Variants in BMP2 observed in about 807,000 individuals in gnomAD.
BMP2 encodes bone morphogenetic protein 2A.
BMP2 carries 2 observed loss-of-function variants against 28.8 expected under a neutral mutation model. The observed-to-expected ratio is 0.07, with a 90% confidence interval of 0.03 to 0.22. The LOEUF (loss-of-function observed/expected upper bound fraction) is 0.22. Ranked by LOEUF, BMP2 falls within the 10% of genes least tolerant of loss-of-function variation. The probability of loss-of-function intolerance (pLI) is 1.00; values close to 1 mark genes in which losing one functional copy is unlikely to be tolerated. For missense variants in BMP2, 437 were observed against 517.7 expected (o/e 0.84, Z 1.51); for synonymous variants, 218 against 204.3 (o/e 1.07, Z -0.57).
At chr20:6,770,767 G>C (rs969267773) in intron 2 of BMP2, among the ~76,000 whole-genome samples, 1 of 152,178 alleles carries the variant, frequency 6.6e-6, no homozygotes, top group African/African-American at 2.4e-5. Context: ...AGGGCAAAAG[G>C]CATGCCTCTA....
rs1410745761 is a variant in BMP2, at chr20:6,779,781, C to G, written c.*692C>G. On this transcript the variant is annotated 3_prime_UTR_variant, in exon 3 of 3. Coordinates refer to ENST00000378827, the MANE Select transcript of BMP2 (RefSeq NM_001200.4). ...ACATTGCTGATCTATTATAGAAACT[C>G]TCCTCCTGCCCCTTAATTTACAGAA... 2 of 152,506 alleles carry G rather than the reference C, an allele frequency of 1.3e-5. No individual in the cohort carries two copies. Among genetic ancestry groups the G allele is most frequent in the Non-Finnish European group, 2.9e-5 (2 of 68,030 alleles). 9.4% of individuals were successfully genotyped at this position (152,506 alleles called of 1,614,324 possible). A position where few individuals can be genotyped will look rare whatever the true frequency, so the allele number is the denominator to read the frequency against.
In BMP2 at chr20:6,770,478, G is replaced by A. The variant is rs776468417; in HGVS notation, c.346+6G>A. ...GCGCAGCTTCCACCATGAAGGTGAG[G>A]CATGGAGCAGGGCGTGGGGGCGGGG... On this transcript the variant is annotated splice_donor_region_variant and intron_variant, in intron 2 of 2. Coordinates refer to ENST00000378827, the MANE Select transcript of BMP2 (RefSeq NM_001200.4). 56 of 1,579,396 alleles carry A rather than the reference G, an allele frequency of 3.5e-5. No individual in the cohort carries two copies. Among genetic ancestry groups the A allele is most frequent in the Non-Finnish European group, 2.8e-5 (33 of 1,158,028 alleles).
Position 6,770,488 on chromosome 20 carries a change from G to T in BMP2, c.346+16G>T. On this transcript the variant is annotated intron_variant, in intron 2 of 2. Transcript: ENST00000378827. ...CACCATGAAGGTGAGGCATGGAGCA[G>T]GGCGTGGGGGCGGGGAGTCACCCTG... is the stretch of plus-strand genomic sequence containing the variant. 4 of 1,562,284 alleles carry T rather than the reference G, an allele frequency of 2.6e-6. No individual in the cohort carries two copies. The highest frequency in any genetic ancestry group is 1.2e-5 in the South Asian group (1 of 83,952).
At chr20:6,771,861 T>C (rs758733410) in intron 2 of BMP2, among the ~76,000 whole-genome samples, 6 of 152,206 alleles carry the variant, frequency 3.9e-5, no homozygotes, top group Non-Finnish European at 8.8e-5. Context: ...CCTGTTGTCA[T>C]ATGTAAAATT....
At chr20:6,777,903 C>G (rs550977378) in intron 2 of BMP2, among the ~76,000 whole-genome samples, 1 of 149,274 alleles carries the variant, frequency 6.7e-6, no homozygotes, top group Non-Finnish European at 1.5e-5. Flanking sequence ...TTTTTTTACC[C>G]TAAAGTCTGG....
rs1986554237 is a variant in BMP2 at position 6,778,645 on chromosome 20, T to C, written c.747T>C (p.Ser249=). 2 of 1,614,072 alleles carry C rather than the reference T, an allele frequency of 1.2e-6. No individual in the cohort carries two copies. Among genetic ancestry groups the C allele is most frequent in the African/African-American group, 2.7e-5 (2 of 75,034 alleles). The change falls in exon 3 of 3, where the codon TCT becomes TCC. Residue 249 remains serine, a synonymous_variant. Transcript: ENST00000378827. The surrounding 1 kb of genome is among the most constrained non-coding windows in gnomAD (Gnocchi z 5.0). Reference sequence around the variant, plus strand: ...AGAGACATGTTAGGATAAGCAGGTCTTTGCACCAAGATGAACACAGCTGGT... The same window carrying C: ...AGAGACATGTTAGGATAAGCAGGTCCTTGCACCAAGATGAACACAGCTGGT... ...VSKRHVRISR[S]LHQDEHSWSQ...
Position 6,767,953 on chromosome 20 carries a change from C to T in BMP2, c.-930C>T, listed in dbSNP as rs745657400. On this transcript the variant is annotated 5_prime_UTR_variant, in exon 1 of 3. Coordinates refer to ENST00000378827, the MANE Select transcript of BMP2 (RefSeq NM_001200.4). ...CGCCACAGCGCCGTGGCCTCTGCTG[C>T]CCGGGCTGCGCCAGAGCCGCGGACG... is the stretch of plus-strand genomic sequence containing the variant. 2.5e-6 allele frequency: 1 copy of T among 395,638 alleles called. No homozygotes were observed. Among genetic ancestry groups the T allele is most frequent in the Non-Finnish European group, 4.5e-6 (1 of 224,262 alleles). 24.5% of individuals were successfully genotyped at this position (395,638 alleles called of 1,614,324 possible).
At chr20:6,774,594 T>G (rs1331269679) in intron 2 of BMP2, among the ~76,000 whole-genome samples, 1 of 152,176 alleles carries the variant, frequency 6.6e-6, no homozygotes, top group Non-Finnish European at 1.5e-5. Context: ...CAATTATATA[T>G]ATCTACTTTT....
intron 2 of BMP2, among the ~76,000 whole-genome samples, chr20:6,771,943 T>A (rs1412700992): frequency 6.6e-6 from 1 of 152,206 alleles, no homozygotes; most frequent in Non-Finnish European, 1.5e-5. Context: ...TCCCAGGTAA[T>A]GCTGATTAGA....
At chr20:6,773,686 T>A (rs978711781) in intron 2 of BMP2, among the ~76,000 whole-genome samples, 5 of 152,198 alleles carry the variant, frequency 3.3e-5, no homozygotes, top group African/African-American at 7.2e-5. Flanking sequence ...GCCATTCCCT[T>A]GTTGTATTTT....
intron 2 of BMP2, among the ~76,000 whole-genome samples, chr20:6,771,645 G>A (rs916528665): frequency 2.6e-5 from 4 of 152,204 alleles, no homozygotes; most frequent in South Asian, 2.1e-4. Context: ...TTGGTAATGG[G>A]AATAAGTCCC....
intron 2 of BMP2, among the ~76,000 whole-genome samples, chr20:6,770,982 A>G (rs1986387234): frequency 6.6e-6 from 1 of 152,226 alleles, no homozygotes; most frequent in Non-Finnish European, 1.5e-5. Context: ...TCTAATTTAT[A>G]GTTGATCTGG....
rs1986311038 is a variant in BMP2 at position 6,768,532 on chromosome 20, C to T, written c.-351C>T. The T allele has an allele frequency of 5.1e-6, 2 of 392,520 alleles. No individual in the cohort carries two copies. The highest frequency in any genetic ancestry group is 9.0e-6 in the Non-Finnish European group (2 of 222,532). 24.3% of individuals were successfully genotyped at this position (392,520 alleles called of 1,614,324 possible). A position where few individuals can be genotyped will look rare whatever the true frequency, so the allele number is the denominator to read the frequency against. On this transcript the variant is annotated 5_prime_UTR_variant, in exon 1 of 3. Transcript: ENST00000378827. ...CCTGCCCCGCACTCCTCCCCCTGCT[C>T]GCTGTTGTTGTGTGTCAGCACTTGG...
intron 2 of BMP2, among the ~76,000 whole-genome samples, chr20:6,776,812 TTGAG>T (rs1986509262): frequency 6.6e-6 from 1 of 152,338 alleles, no homozygotes; most frequent in African/African-American, 2.4e-5. Context: ...GGTAGATCCT[TTGAG>T]TGAGTGATCT....
In BMP2 at chr20:6,776,408, A is replaced by G. The variant is rs533777625; in HGVS notation, c.347-1837A>G. ...GGCTGGGCCCACCCAGAGCTGGCCC[A>G]TTCAACTCTTACTCCTTTGCCACCA... On this transcript the variant is annotated intron_variant, in intron 2 of 2. Coordinates refer to ENST00000378827, the MANE Select transcript of BMP2 (RefSeq NM_001200.4). Among the ~76,000 whole-genome samples the G allele has an allele frequency of 1.6e-4, 25 of 152,316 alleles. 1 individual carries two copies. The highest frequency in any genetic ancestry group is 1.0e-3 in the Admixed American group (16 of 15,310).
intron 2 of BMP2, among the ~76,000 whole-genome samples, chr20:6,773,121 T>C (rs1164074848): frequency 1.3e-5 from 2 of 152,246 alleles, no homozygotes; most frequent in East Asian, 1.9e-4. Context: ...GTCTTCTTTC[T>C]ACATGAAATA....
chr20:6,775,685 A>G (rs1003991123), intron 2 of BMP2, among the ~76,000 whole-genome samples: 5 of 151,966 alleles, frequency 3.3e-5, no homozygotes, highest in African/African-American at 1.2e-4. Context: ...TTGGGAGGTT[A>G]TTATTCTATT....
In BMP2 at chr20:6,768,427, C is replaced by G; in HGVS notation, c.-456C>G. ...CGACCCCCGAGTCCCGGAGCCGGCCCCGCGCGGGGCCACGCGTCCCTCGGG... is the reference window on the plus strand; with the variant it reads ...CGACCCCCGAGTCCCGGAGCCGGCCGCGCGCGGGGCCACGCGTCCCTCGGG... On this transcript the variant is annotated 5_prime_UTR_variant, in exon 1 of 3. Coordinates refer to ENST00000378827, the MANE Select transcript of BMP2 (RefSeq NM_001200.4). 1 of 393,376 alleles carries G rather than the reference C, an allele frequency of 2.5e-6. No individual in the cohort carries two copies. The highest frequency in any genetic ancestry group is 4.5e-6 in the Non-Finnish European group (1 of 223,128). 24.4% of individuals were successfully genotyped at this position (393,376 alleles called of 1,614,324 possible).
At chr20:6,777,404 G>GTT (rs148774350) in intron 2 of BMP2, among the ~76,000 whole-genome samples, 2 of 152,108 alleles carry the variant, frequency 1.3e-5, no homozygotes, top group East Asian at 1.9e-4. Context: ...TAGGTACATG[G>GTT]TTTTTTAACA....
Sources: allele counts gnomAD v4.1 joint callset (sites outside exome capture counted in the v4.1 genomes callset), GRCh38; gene constraint gnomAD v4.1.1; non-coding constraint Gnocchi (gnomAD v3.1); transcripts MANE v1.5; gene names NCBI Gene and HGNC (gene_info 2026-07-23, HGNC 2026-07-21).